Variants in KCNIP4 observed in about 807,000 individuals in gnomAD.
KCNIP4 encodes Kv channel-interacting protein 4.
Under a neutral mutation model 34.0 loss-of-function variants are expected in KCNIP4, and 12 were observed. The ratio of observed to expected loss-of-function variants is 0.35; its 90% CI spans 0.23 to 0.57. The LOEUF is 0.57. Ranked by LOEUF, KCNIP4 falls within the 20% of genes least tolerant of loss-of-function variation. The probability of loss-of-function intolerance (pLI) is 0.83; values close to 1 mark genes in which losing one functional copy is unlikely to be tolerated. For synonymous variants in KCNIP4, 124 were observed against 102.2 expected, an observed-to-expected ratio of 1.21 and a Z score of -1.29; for missense variants, 238 against 311.7, an observed-to-expected ratio of 0.76 and a Z score of 1.78.
At chr4:20,758,563 A>G (rs1754675341) in intron 4 of KCNIP4, among the ~76,000 whole-genome samples, 1 of 151,908 alleles carries the variant, frequency 6.6e-6, no homozygotes, top group Non-Finnish European at 1.5e-5. Flanking sequence ...GTCAGAAAAC[A>G]TTGTGCATTT....
At chr4:20,799,228 G>A (rs1209118902) in intron 3 of KCNIP4, among the ~76,000 whole-genome samples, 1 of 152,114 alleles carries the variant, frequency 6.6e-6, no homozygotes, top group Non-Finnish European at 1.5e-5. Flanking sequence ...TGCCAGCAGG[G>A]GATTTCAGAT....
chr4:21,891,112 T>G (rs1459941795), intron 1 of KCNIP4, among the ~76,000 whole-genome samples: 1 of 152,092 alleles, frequency 6.6e-6, no homozygotes, highest in East Asian at 1.9e-4. Flanking sequence ...ATATAAGGAA[T>G]GAATCCCTGG....
At chr4:21,038,626 T>C (rs1028489716) in intron 1 of KCNIP4, among the ~76,000 whole-genome samples, 3 of 152,228 alleles carry the variant, frequency 2.0e-5, no homozygotes, top group African/African-American at 7.2e-5. Flanking sequence ...GTCTGAGTTC[T>C]AGCAAGCATT....
intron 1 of KCNIP4, among the ~76,000 whole-genome samples, chr4:21,248,660 G>A (rs557830887): frequency 2.3e-4 from 35 of 152,238 alleles, no homozygotes; most frequent in African/African-American, 8.4e-4. Flanking sequence ...GGTGATAATA[G>A]AGCCCAATTC....
At chr4:20,935,570 C>T (rs1398062919) in intron 1 of KCNIP4, among the ~76,000 whole-genome samples, 1 of 152,210 alleles carries the variant, frequency 6.6e-6, no homozygotes, top group Non-Finnish European at 1.5e-5. Context: ...CAATTCTCTA[C>T]ACTGCCTTAA....
intron 1 of KCNIP4, among the ~76,000 whole-genome samples, chr4:20,938,065 G>A (rs772641556): frequency 6.6e-6 from 1 of 152,082 alleles, no homozygotes; most frequent in African/African-American, 2.4e-5. Flanking sequence ...CATGAACAGG[G>A]TTTCTCATAA....
At chr4:21,519,757 ATG>A (rs1560481181) in intron 1 of KCNIP4, among the ~76,000 whole-genome samples, 2 of 123,986 alleles carry the variant, frequency 1.6e-5, no homozygotes, top group East Asian at 2.4e-4. Flanking sequence ...ACGTGTGTGT[ATG>A]TATGTGTGTA....
intron 2 of KCNIP4, among the ~76,000 whole-genome samples, chr4:20,868,978 A>C (rs1023042613): frequency 2.0e-5 from 3 of 152,126 alleles, no homozygotes; most frequent in Non-Finnish European, 4.4e-5. Flanking sequence ...ATAGAATTTG[A>C]AAAAGAAGAA....
intron 2 of KCNIP4, among the ~76,000 whole-genome samples, chr4:20,873,691 G>A (rs17632612): frequency 0.086 from 13,150 of 152,162 alleles, 636 homozygotes; most frequent in South Asian, 0.23. Flanking sequence ...ACTCTTGGCT[G>A]ACCAGCCATC....
chr4:21,351,101 T>A (rs1189548595), intron 1 of KCNIP4, among the ~76,000 whole-genome samples: 1 of 152,188 alleles, frequency 6.6e-6, no homozygotes, highest in East Asian at 1.9e-4. Context: ...ATAATTAGGC[T>A]GAAATGACAG....
chr4:21,563,084 T>G (rs1207746368), intron 1 of KCNIP4, among the ~76,000 whole-genome samples: 1 of 152,056 alleles, frequency 6.6e-6, no homozygotes, highest in African/African-American at 2.4e-5. Context: ...TATGTTTGAT[T>G]CAAATAATAC....
intron 1 of KCNIP4, among the ~76,000 whole-genome samples, chr4:21,826,647 A>T (rs1268504212): frequency 6.6e-6 from 1 of 152,152 alleles, no homozygotes; most frequent in Admixed American, 6.6e-5. Flanking sequence ...CACATGTGAA[A>T]AAAATAAAGA....
intron 1 of KCNIP4, among the ~76,000 whole-genome samples, chr4:21,835,351 T>C (rs1723254711): frequency 6.6e-6 from 1 of 152,072 alleles, no homozygotes; most frequent in Non-Finnish European, 1.5e-5. Flanking sequence ...TTAAATAGTC[T>C]ATAAAAAATA....
At chr4:21,040,373 T>G (rs1741850968) in intron 1 of KCNIP4, among the ~76,000 whole-genome samples, 1 of 152,218 alleles carries the variant, frequency 6.6e-6, no homozygotes, top group Non-Finnish European at 1.5e-5. Flanking sequence ...TTTCTACTAG[T>G]GGCCACTTCT....
chr4:21,826,884 G>A (rs995100901), intron 1 of KCNIP4, among the ~76,000 whole-genome samples: 19 of 151,966 alleles, frequency 1.3e-4, no homozygotes, highest in African/African-American at 3.9e-4. Flanking sequence ...AGTAAATACT[G>A]AAAACCTAAA....
At chr4:21,857,934 T>C (rs1263649398) in intron 1 of KCNIP4, among the ~76,000 whole-genome samples, 1 of 152,204 alleles carries the variant, frequency 6.6e-6, no homozygotes, top group Non-Finnish European at 1.5e-5. Flanking sequence ...TCCAAGCTTC[T>C]GAATGCCACC....
At chr4:21,006,146 C>G (rs1738538028) in intron 1 of KCNIP4, among the ~76,000 whole-genome samples, 1 of 152,192 alleles carries the variant, frequency 6.6e-6, no homozygotes, top group Non-Finnish European at 1.5e-5. Flanking sequence ...AAGAGCAAAT[C>G]TTTGCTATGT....
At chr4:21,063,471 C>G (rs1312397456) in intron 1 of KCNIP4, among the ~76,000 whole-genome samples, 4 of 151,996 alleles carry the variant, frequency 2.6e-5, no homozygotes, top group Non-Finnish European at 5.9e-5. Context: ...TTCTTTCAAC[C>G]AACACTTATT....
intron 1 of KCNIP4, among the ~76,000 whole-genome samples, chr4:21,768,889 ATACAT>A (rs1718596241): frequency 6.6e-6 from 1 of 152,098 alleles, no homozygotes; most frequent in African/African-American, 2.4e-5. Context: ...TATTTGTTGG[ATACAT>A]TACATGTAAT....
Sources: allele counts gnomAD v4.1 joint callset (sites outside exome capture counted in the v4.1 genomes callset), GRCh38; gene constraint gnomAD v4.1.1; transcripts MANE v1.5; gene names NCBI Gene and HGNC (gene_info 2026-07-23, HGNC 2026-07-21).